The following KLHDC7B variants were observed in gnomAD, a reference collection of about 807,000 sequenced individuals.
The protein encoded by KLHDC7B is kelch domain-containing protein 7B.
A neutral mutation model predicts 0.6 loss-of-function variants in KLHDC7B; 1 was observed. The observed-to-expected ratio is 1.71, with a 90% CI of 0.61 to 8.11. The LOEUF (loss-of-function observed/expected upper bound fraction) is 8.11, where lower values mean the gene tolerates loss of function less well. Among genes scored for constraint, KLHDC7B ranks in the 30% most tolerant of loss-of-function variants. The pLI, the probability that KLHDC7B is intolerant of heterozygous loss-of-function variation, is 0.13. For synonymous variants in KLHDC7B, 462 were observed against 405.2 expected (o/e 1.14, Z -1.68); for missense variants, 993 against 894.9 (o/e 1.11, Z -1.40).
chr22:50,549,087 G>A lies in KLHDC7B; in HGVS notation c.2844G>A (p.Glu948=). The change falls in exon 1 of 1, where the codon GAG becomes GAA. Residue 948 remains glutamate, a synonymous_variant. Coordinates refer to ENST00000648057, the MANE Select transcript of KLHDC7B (RefSeq NM_138433.5). ...TCCCCAGGGGCCCTCGTGGCGAGGA[G>A]CCTCCTGCGGCGGCCCCTGTGTCCC... ...SGLPRGPRGE[E]PPAAAPVSLP... 1 of 1,600,252 alleles carries A rather than the reference G, an allele frequency of 6.2e-7. No homozygotes were observed. Among genetic ancestry groups the A allele is most frequent in the Non-Finnish European group, 8.5e-7 (1 of 1,179,408 alleles).
chr22:50,549,486 T>C lies in KLHDC7B; in HGVS notation c.3243T>C (p.Pro1081=). ...PRAPLPAGTF[P]VAHEAVACRG... is the part of the protein sequence containing the mutation. Reference sequence around the variant, plus strand: ...CGCCACTCCCCGCAGGCACCTTCCCTGTGGCCCACGAGGCTGTGGCCTGCC... The same window carrying C: ...CGCCACTCCCCGCAGGCACCTTCCCCGTGGCCCACGAGGCTGTGGCCTGCC... Residue 1081 remains proline, a synonymous_variant, in exon 1 of 1, where the codon CCT becomes CCC. Coordinates refer to ENST00000648057, the MANE Select transcript of KLHDC7B (RefSeq NM_138433.5). 6.2e-7 allele frequency: 1 copy of C among 1,612,514 alleles called. No individual in the cohort carries two copies. Among genetic ancestry groups the C allele is most frequent in the Non-Finnish European group, 8.5e-7 (1 of 1,179,834 alleles).
chr22:50,548,563 C>T lies in KLHDC7B; in HGVS notation c.2320C>T (p.Arg774Cys), dbSNP rs1435008545. 2 of 1,548,788 alleles carry T rather than the reference C, an allele frequency of 1.3e-6. No homozygotes were observed. The highest frequency in any genetic ancestry group is 1.7e-6 in the Non-Finnish European group (2 of 1,147,500). ...ACAGCCGGTACCCCAGCTACGGAAA[C>T]GCAGCAGGTGCGAAATCGCCCCGAG... ...RSQPVPQLRK[R>C]SRCEIAPSSE... The change falls in exon 1 of 1, where the codon CGC (arginine) becomes TGC (cysteine). Residue 774 changes from arginine to cysteine, a missense_variant. Physicochemically the swap from Arg to Cys is radical, Grantham distance 180 (BLOSUM62 -3). Transcript: ENST00000648057. This position sits in a 1 kb window ranked among gnomAD's most constrained non-coding sequence, Gnocchi z 5.3.
chr22:50,547,152 G>A lies in KLHDC7B; in HGVS notation c.909G>A (p.Thr303=), dbSNP rs570813109. Residue 303 remains threonine, a synonymous_variant, in exon 1 of 1, where the codon ACG becomes ACA. Coordinates refer to ENST00000648057, the MANE Select transcript of KLHDC7B (RefSeq NM_138433.5). ...GCGCCCTGCAGCCTGGGTCTCAGAC[G>A]GAAGGCTCTGGGGCCAAGGGTGGCT... ...APRALQPGSQ[T]EGSGAKGGWS... 5.3e-5 allele frequency among the ~76,000 whole-genome samples: 8 copies of A among 151,612 alleles called. No individual in the cohort carries two copies. The highest frequency in any genetic ancestry group is 2.0e-4 in the Admixed American group (3 of 15,278).
At position 50,547,465 on chromosome 22, in the gene KLHDC7B, G is replaced by A. The variant is rs958689278; in HGVS notation, c.1222G>A (p.Ala408Thr). 7.6e-5 allele frequency: 29 copies of A among 382,190 alleles called. No homozygotes were observed. The East Asian group carries it at 9.4e-4, about 12-fold the overall frequency. The allele number at this position is 382,190 out of a possible 1,614,324, so 23.7% of individuals were successfully genotyped here. ...GCCGGCTGCAGCCGGCCACAGCCGC[G>A]CGCCCTCCCGGAGCCGTGAGCCTCG... ...AKPAAAGHSRAPSRSREPRPR... is the reference protein window; with the variant it reads ...AKPAAAGHSRTPSRSREPRPR... The change falls in exon 1 of 1, where the codon GCG becomes ACG. Residue 408 changes from alanine (A) to threonine (T), a missense_variant. Coordinates refer to ENST00000648057, the MANE Select transcript of KLHDC7B (RefSeq NM_138433.5).
chr22:50,549,470 C>T lies in KLHDC7B; in HGVS notation c.3227C>T (p.Pro1076Leu). Residue 1076 changes from proline to leucine, a missense_variant, in exon 1 of 1, where the codon CCC (proline) becomes CTC (leucine). Pro to Leu is a moderately conservative substitution (Grantham distance 98). Transcript: ENST00000648057. ...GCCTGGACCCCACGCGCGCCACTCC[C>T]CGCAGGCACCTTCCCTGTGGCCCAC... Reference protein sequence around the residue: ...TDAWTPRAPLPAGTFPVAHEA... With the variant: ...TDAWTPRAPLLAGTFPVAHEA... 1 of 1,612,592 alleles carries T rather than the reference C, an allele frequency of 6.2e-7. No individual in the cohort carries two copies. Among genetic ancestry groups the T allele is most frequent in the Non-Finnish European group, 8.5e-7 (1 of 1,179,900 alleles).
rs1368300195 is a variant in KLHDC7B at position 50,548,527 on chromosome 22, G to T, written c.2284G>T (p.Ala762Ser). The change falls in exon 1 of 1, where the codon GCG (alanine) becomes TCG (serine). Residue 762 changes from alanine (A) to serine (S), a missense_variant. Coordinates refer to ENST00000648057, the MANE Select transcript of KLHDC7B (RefSeq NM_138433.5). The surrounding 1 kb of genome is among the most constrained non-coding windows in gnomAD (Gnocchi z 5.3). ...GCCTGGCCCCGCGGCCTCCTCCTCT[G>T]CGAGGCGCTCACAGCCGGTACCCCA... ...RPPGPAASSS[A>S]RRSQPVPQLR... The T allele has an allele frequency of 1.3e-6, 2 of 1,553,978 alleles. No homozygotes were observed. Among genetic ancestry groups the T allele is most frequent in the South Asian group, 1.2e-5 (1 of 84,590 alleles).
At position 50,549,709 on chromosome 22, in the gene KLHDC7B, A is replaced by G. The variant is rs904683654; in HGVS notation, c.3466A>G (p.Thr1156Ala). Residue 1156 changes from threonine (T) to alanine (A), a missense_variant, in exon 1 of 1, where the codon ACC becomes GCC. Physicochemically the swap from Thr to Ala is moderately conservative, Grantham distance 58 (BLOSUM62 0). Transcript: ENST00000648057. Reference sequence around the variant, plus strand: ...CGCCGTGATGCGCTACAACACAGTGACCGGCTCCTGGAGCAGGGCTGCCTC... The same window carrying G: ...CGCCGTGATGCGCTACAACACAGTGGCCGGCTCCTGGAGCAGGGCTGCCTC... Reference protein sequence around the residue: ...GAAVMRYNTVTGSWSRAASLP... With the variant: ...GAAVMRYNTVAGSWSRAASLP... The G allele has an allele frequency of 8.9e-6, 14 of 1,580,664 alleles. No individual in the cohort carries two copies. The highest frequency in any genetic ancestry group is 1.1e-5 in the Non-Finnish European group (13 of 1,164,636).
rs1229805054 is a variant in KLHDC7B at position 50,549,020 on chromosome 22, T to A, written c.2777T>A (p.Val926Asp). The change falls in exon 1 of 1, where the codon GTC (valine) becomes GAC (aspartate). Residue 926 changes from valine to aspartate, a missense_variant. Val to Asp is a radical substitution (Grantham distance 152). Transcript: ENST00000648057. ...GGCCGGGGCCGGGCGGTGCTGGGCGTCCTCGTACTGCCCAGCCTCTACCAG... is the reference window on the plus strand; with the variant it reads ...GGCCGGGGCCGGGCGGTGCTGGGCGACCTCGTACTGCCCAGCCTCTACCAG... ...RTGRGRAVLG[V>D]LVLPSLYQGG... 6.3e-7 allele frequency: 1 copy of A among 1,595,864 alleles called. No individual in the cohort carries two copies. Among genetic ancestry groups the A allele is most frequent in the East Asian group, 2.2e-5 (1 of 44,710 alleles).
At position 50,548,526 on chromosome 22, in the gene KLHDC7B, T is replaced by C. The variant is rs1276549085; in HGVS notation, c.2283T>C (p.Ser761=). The part of the protein sequence containing the change: ...QRPPGPAASS[S]ARRSQPVPQL... ...CGCCTGGCCCCGCGGCCTCCTCCTC[T>C]GCGAGGCGCTCACAGCCGGTACCCC... is the stretch of plus-strand genomic sequence containing the variant. The change falls in exon 1 of 1, where the codon TCT becomes TCC. Residue 761 remains serine, a synonymous_variant. Coordinates refer to ENST00000648057, the MANE Select transcript of KLHDC7B (RefSeq NM_138433.5). The surrounding 1 kb of genome is among the most constrained non-coding windows in gnomAD (Gnocchi z 5.3). The C allele has an allele frequency of 1.3e-6, 2 of 1,553,506 alleles. No homozygotes were observed. The highest frequency in any genetic ancestry group is 1.7e-6 in the Non-Finnish European group (2 of 1,149,122).
Position 50,546,208 on chromosome 22 carries a change from C to A in KLHDC7B, c.-36C>A, listed in dbSNP as rs1308436254. On this transcript the variant is annotated 5_prime_UTR_variant, in exon 1 of 1. Coordinates refer to ENST00000648057, the MANE Select transcript of KLHDC7B (RefSeq NM_138433.5). ...GGCCTCTGTGCTCTGCATGCACTGC[C>A]AGCCTGCCATCAGGCCTCTATTGCA... Among the ~76,000 whole-genome samples the A allele has an allele frequency of 6.6e-6, 1 of 152,232 alleles. No homozygotes were observed. The highest frequency in any genetic ancestry group is 2.4e-5 in the African/African-American group (1 of 41,468).
rs977903780 is a variant in KLHDC7B, at chr22:50,547,746, C to T, written c.1503C>T (p.Ser501=). 1.2e-4 allele frequency: 59 copies of T among 496,666 alleles called. No homozygotes were observed. The highest frequency in any genetic ancestry group is 1.9e-4 in the Non-Finnish European group (54 of 281,874). The allele number at this position is 496,666 out of a possible 1,614,324, so 30.8% of individuals were successfully genotyped here. A position where few individuals can be genotyped will look rare whatever the true frequency, so the allele number is the denominator to read the frequency against. Residue 501 remains serine, a synonymous_variant, in exon 1 of 1, where the codon TCC becomes TCT. Transcript: ENST00000648057. Reference sequence around the variant, plus strand: ...CCTCAGCCACCACCTCAACCTCATCCCCCACCTCAGCCCCAGCCCCAGCTC... The same window carrying T: ...CCTCAGCCACCACCTCAACCTCATCTCCCACCTCAGCCCCAGCCCCAGCTC... ...APTSATTSTS[S]PTSAPAPAPT...
At position 50,547,927 on chromosome 22, in the gene KLHDC7B, G is replaced by A; in HGVS notation, c.1684G>A (p.Ala562Thr). Residue 562 changes from alanine (A) to threonine (T), a missense_variant, in exon 1 of 1, where the codon GCC becomes ACC. Ala to Thr is a moderately conservative substitution (Grantham distance 58). Coordinates refer to ENST00000648057, the MANE Select transcript of KLHDC7B (RefSeq NM_138433.5). ...AGCCCTAAGCCCAGCTCCAACTCCAGCCCTAACCCCAGCCGCATCCCCAGC... is the reference window on the plus strand; with the variant it reads ...AGCCCTAAGCCCAGCTCCAACTCCAACCCTAACCCCAGCCGCATCCCCAGC... ...TPALSPAPTP[A>T]LTPAASPALT... 5.3e-6 allele frequency: 1 copy of A among 187,208 alleles called. No individual in the cohort carries two copies. Among genetic ancestry groups the A allele is most frequent in the Non-Finnish European group, 9.3e-6 (1 of 107,774 alleles). The allele number at this position is 187,208 out of a possible 1,614,324, so 11.6% of individuals were successfully genotyped here.
chr22:50,548,315 G>A lies in KLHDC7B; in HGVS notation c.2072G>A (p.Gly691Glu). The change falls in exon 1 of 1, where the codon GGG becomes GAG. Residue 691 changes from glycine to glutamate, a missense_variant. By Grantham distance (98) the Gly-to-Glu change is moderately conservative. Coordinates refer to ENST00000648057, the MANE Select transcript of KLHDC7B (RefSeq NM_138433.5). The surrounding 1 kb of genome is among the most constrained non-coding windows in gnomAD (Gnocchi z 5.3). Reference sequence around the variant, plus strand: ...TCTTCTTCAGTGGGGACAGTCATAGGGACAGGTACAGGGGGCCTGGTTGAG... The same window carrying A: ...TCTTCTTCAGTGGGGACAGTCATAGAGACAGGTACAGGGGGCCTGGTTGAG... ...GPSSSVGTVI[G>E]TGTGGLVEAG... is the part of the protein sequence containing the mutation. 3.9e-6 allele frequency: 6 copies of A among 1,551,112 alleles called. No individual in the cohort carries two copies. The highest frequency in any genetic ancestry group is 5.2e-6 in the Non-Finnish European group (6 of 1,146,940).
In KLHDC7B at chr22:50,548,167, A is replaced by C. The variant is rs992238491; in HGVS notation, c.1924A>C (p.Met642Leu). The change falls in exon 1 of 1, where the codon ATG (methionine) becomes CTG (leucine). Residue 642 changes from methionine (M) to leucine (L), a missense_variant. Coordinates refer to ENST00000648057, the MANE Select transcript of KLHDC7B (RefSeq NM_138433.5). This position sits in a 1 kb window ranked among gnomAD's most constrained non-coding sequence, Gnocchi z 5.3. The stretch of plus-strand genomic sequence containing the variant: ...AGCCAGCTGGGGAAACCTTATTGCC[A>C]TGGTTCTTAGAAGCCACCCCTTCCC... ...VSASWGNLIA[M>L]VLRSHPFPRQ... The C allele has an allele frequency of 7.3e-6, 11 of 1,507,540 alleles. No homozygotes were observed. The highest frequency in any genetic ancestry group is 9.8e-6 in the Non-Finnish European group (11 of 1,122,998). 93.4% of individuals were successfully genotyped at this position (1,507,540 alleles called of 1,614,324 possible).
chr22:50,546,322 GT>G (rs1298873093), upstream of KLHDC7B: 1 of 399,104 alleles, frequency 2.5e-6, no homozygotes, highest in Non-Finnish European at 4.4e-6. Context: ...GGATAGTGCT[GT>G]GCTGGCCCTC....
At position 50,550,065 on chromosome 22, in the gene KLHDC7B, T is replaced by C. The variant is rs1018978791; in HGVS notation, c.*114T>C. On this transcript the variant is annotated 3_prime_UTR_variant, in exon 1 of 1. Coordinates refer to ENST00000648057, the MANE Select transcript of KLHDC7B (RefSeq NM_138433.5). ...CTGGGATCGGAACTTCCTGCTCTTGTTTCTGGACAACTTTCCCCTTCTGCT... is the reference window on the plus strand; with the variant it reads ...CTGGGATCGGAACTTCCTGCTCTTGCTTCTGGACAACTTTCCCCTTCTGCT... The C allele has an allele frequency of 1.8e-6, 2 of 1,139,408 alleles. No homozygotes were observed. Among genetic ancestry groups the C allele is most frequent in the Admixed American group, 6.1e-5 (2 of 32,742 alleles). The allele number at this position is 1,139,408 out of a possible 1,614,324, so 70.6% of individuals were successfully genotyped here. A position where few individuals can be genotyped will look rare whatever the true frequency, so the allele number is the denominator to read the frequency against.
chr22:50,549,031 C>T lies in KLHDC7B; in HGVS notation c.2788C>T (p.Pro930Ser). Residue 930 changes from proline to serine, a missense_variant, in exon 1 of 1, where the codon CCC becomes TCC. By Grantham distance (74) the Pro-to-Ser change is moderately conservative. Coordinates refer to ENST00000648057, the MANE Select transcript of KLHDC7B (RefSeq NM_138433.5). ...GGCGGTGCTGGGCGTCCTCGTACTG[C>T]CCAGCCTCTACCAGGGGGGCCGCTC... ...GRAVLGVLVLPSLYQGGRSGL... is the reference protein window; with the variant it reads ...GRAVLGVLVLSSLYQGGRSGL... 1.3e-6 allele frequency: 2 copies of T among 1,596,798 alleles called. No homozygotes were observed. The highest frequency in any genetic ancestry group is 1.7e-6 in the Non-Finnish European group (2 of 1,177,002).
At position 50,548,228 on chromosome 22, in the gene KLHDC7B, C is replaced by A. The variant is rs563320737; in HGVS notation, c.1985C>A (p.Ala662Glu). ...AGGCCCCAAGGGAGTGTCCCGAGGG[C>A]GGTTCCCGGGAGCCCCGTGGGTCCC... ...QDRPQGSVPR[A>E]VPGSPVGPST... Residue 662 changes from alanine to glutamate, a missense_variant, in exon 1 of 1, where the codon GCG becomes GAG. Physicochemically the swap from Ala to Glu is moderately radical, Grantham distance 107. Coordinates refer to ENST00000648057, the MANE Select transcript of KLHDC7B (RefSeq NM_138433.5). The surrounding 1 kb of genome is among the most constrained non-coding windows in gnomAD (Gnocchi z 5.3). 5 of 1,550,212 alleles carry A rather than the reference C, an allele frequency of 3.2e-6. No individual in the cohort carries two copies. The South Asian group carries it at 3.6e-5, about 11-fold the overall frequency.
In KLHDC7B at chr22:50,549,248, G is replaced by A. The variant is rs748467126; in HGVS notation, c.3005G>A (p.Gly1002Asp). 6.2e-6 allele frequency: 10 copies of A among 1,609,994 alleles called. No homozygotes were observed. The highest frequency in any genetic ancestry group is 8.5e-6 in the Non-Finnish European group (10 of 1,179,932). The change falls in exon 1 of 1, where the codon GGC becomes GAC. Residue 1002 changes from glycine to aspartate, a missense_variant. Gly to Asp is a moderately conservative substitution (Grantham distance 94). Coordinates refer to ENST00000648057, the MANE Select transcript of KLHDC7B (RefSeq NM_138433.5). Reference sequence around the variant, plus strand: ...CACAACTACCTGTTTCTGGCGGGGGGCATCCGTGGCTCCGGTGCCAAGGCC... The same window carrying A: ...CACAACTACCTGTTTCTGGCGGGGGACATCCGTGGCTCCGGTGCCAAGGCC... Reference protein sequence around the residue: ...TMHNYLFLAGGIRGSGAKAVC... With the variant: ...TMHNYLFLAGDIRGSGAKAVC...
Sources: allele counts gnomAD v4.1 joint callset (sites outside exome capture counted in the v4.1 genomes callset), GRCh38; gene constraint gnomAD v4.1.1; non-coding constraint Gnocchi (gnomAD v3.1); transcripts MANE v1.5; gene names NCBI Gene and HGNC (gene_info 2026-07-23, HGNC 2026-07-21).